The following ADAMTS2 variants were observed in gnomAD, a reference collection of about 807,000 sequenced individuals.
The protein encoded by ADAMTS2 is A disintegrin and metalloproteinase with thrombospondin motifs 2.
A neutral mutation model predicts 123.0 loss-of-function variants in ADAMTS2; 50 were observed. That is an observed-to-expected ratio of 0.41 (90% confidence interval 0.32 to 0.51). The LOEUF is 0.51. Among genes scored for constraint, ADAMTS2 ranks in the 20% least tolerant of loss-of-function variants. The pLI is 0.35. For missense variants in ADAMTS2, 1,494 were observed against 1,705.2 expected (o/e 0.88, Z 2.18); for synonymous variants, 678 against 695.4 (o/e 0.98, Z 0.39).
At chr5:179,122,868 A>C in intron 19 of ADAMTS2, 95 bp from the exon 20 acceptor site, 1 of 1,529,700 alleles carries the variant, frequency 6.5e-7, no homozygotes, top group Non-Finnish European at 8.8e-7. Context: ...CACATGACCC[A>C]TGCGCTCAGG....
chr5:179,328,677 G>C (rs956017617), intron 2 of ADAMTS2, among the ~76,000 whole-genome samples: 3 of 152,210 alleles, frequency 2.0e-5, no homozygotes, highest in African/African-American at 7.2e-5. Context: ...CAGGTATTCT[G>C]AGTAAATAAT....
chr5:179,221,350 A>C (rs1454762262), intron 3 of ADAMTS2, among the ~76,000 whole-genome samples: 2 of 152,032 alleles, frequency 1.3e-5, no homozygotes, highest in Admixed American at 6.5e-5. Context: ...TGGTGATTGC[A>C]CCTGGTCCAG....
chr5:179,264,520 G>A (rs192700405), intron 3 of ADAMTS2, among the ~76,000 whole-genome samples: 98 of 152,348 alleles, frequency 6.4e-4, no homozygotes, highest in Middle Eastern at 3.4e-3. Context: ...AGATGCCCCC[G>A]TGAGCAGATC....
At chr5:179,141,260 G>C (rs1425195564) in intron 10 of ADAMTS2, among the ~76,000 whole-genome samples, 2 of 152,224 alleles carry the variant, frequency 1.3e-5, no homozygotes, top group African/African-American at 4.8e-5. Flanking sequence ...AAAAGGGCCA[G>C]AGAGTAACTA....
chr5:179,199,164 C>T (rs1764501944), intron 4 of ADAMTS2, among the ~76,000 whole-genome samples: 2 of 152,236 alleles, frequency 1.3e-5, no homozygotes, highest in Admixed American at 1.3e-4. Flanking sequence ...AGGCCCCGAC[C>T]TTGGGGCTTG....
intron 3 of ADAMTS2, among the ~76,000 whole-genome samples, chr5:179,261,955 G>A (rs1766238810): frequency 6.6e-6 from 1 of 152,224 alleles, no homozygotes; most frequent in South Asian, 2.1e-4. Context: ...GGAGCAAGAG[G>A]AGGTGGCAGT....
rs140966917 is a variant in ADAMTS2, at chr5:179,320,018, G to A, written c.534+23749C>T. On this transcript the variant is annotated intron_variant, in intron 2 of 21. Coordinates refer to ENST00000251582, the MANE Select transcript of ADAMTS2 (RefSeq NM_014244.5). Reference sequence around the variant, plus strand: ...GCTGCCCAGCCTGACGGCTCCTGGAGCAGCCGGTGATCAGTCAACCTCCCC... The same window carrying A: ...GCTGCCCAGCCTGACGGCTCCTGGAACAGCCGGTGATCAGTCAACCTCCCC... Among the ~76,000 whole-genome samples, 1,174 of 152,332 alleles carry A rather than the reference G, an allele frequency of 7.7e-3. 17 individuals carry two copies. Among genetic ancestry groups the A allele is most frequent in the African/African-American group, 0.027 (1,105 of 41,576 alleles).
chr5:179,330,312 G>A (rs922235531), intron 2 of ADAMTS2, among the ~76,000 whole-genome samples: 1 of 152,038 alleles, frequency 6.6e-6, no homozygotes, highest in Admixed American at 6.5e-5. Context: ...AGTCTATCAG[G>A]ACAGGCTGAC....
In ADAMTS2 at chr5:179,129,821, C is replaced by A. The variant is rs547814726; in HGVS notation, c.2457+111G>T. On this transcript the variant is annotated intron_variant, in intron 16 of 21. Coordinates refer to ENST00000251582, the MANE Select transcript of ADAMTS2 (RefSeq NM_014244.5). The surrounding 1 kb of genome is among the most constrained non-coding windows in gnomAD (Gnocchi z 4.1). ...TGGTGCCAAAGGCAGGCCAAAGGGGCCACGCAGAGTGTCACCTGAAGGGTC... is the reference window on the plus strand; with the variant it reads ...TGGTGCCAAAGGCAGGCCAAAGGGGACACGCAGAGTGTCACCTGAAGGGTC... 362 of 1,435,714 alleles carry A rather than the reference C, an allele frequency of 2.5e-4. 1 individual carries two copies. In the African/African-American group the frequency reaches 4.4e-3, roughly 18 times the overall value. The allele number at this position is 1,435,714 out of a possible 1,614,324, so 88.9% of individuals were successfully genotyped here. A position where few individuals can be genotyped will look rare whatever the true frequency, so the allele number is the denominator to read the frequency against.
At position 179,302,360 on chromosome 5, in the gene ADAMTS2, C is replaced by A. The variant is rs191270837; in HGVS notation, c.535-29296G>T. Reference sequence around the variant, plus strand: ...CGCCTGTAGTCCCAGCTGCTCTGGGCGACAGAGCAAGACCGTCTCAAAAAA... The same window carrying A: ...CGCCTGTAGTCCCAGCTGCTCTGGGAGACAGAGCAAGACCGTCTCAAAAAA... On this transcript the variant is annotated intron_variant, in intron 2 of 21. Transcript: ENST00000251582. Among the ~76,000 whole-genome samples, 364 of 112,616 alleles carry A rather than the reference C, an allele frequency of 3.2e-3. 4 individuals are homozygous for A. The highest frequency in any genetic ancestry group is 0.012 in the African/African-American group (350 of 28,420). The allele number at this position is 112,616 out of a possible 152,430, so 73.9% of individuals were successfully genotyped here.
chr5:179,153,788 T>G (rs1264916750), intron 8 of ADAMTS2, among the ~76,000 whole-genome samples, 165 bp from the exon 9 acceptor site: 1 of 152,136 alleles, frequency 6.6e-6, no homozygotes, highest in Non-Finnish European at 1.5e-5. Flanking sequence ...TTGTCCTTGG[T>G]GTAAGACACC....
At chr5:179,135,792 G>A (rs1763055807) in intron 13 of ADAMTS2, 117 bp downstream of exon 13, 4 of 1,479,760 alleles carry the variant, frequency 2.7e-6, no homozygotes, top group African/African-American at 1.4e-5. Context: ...CATTGTTTCT[G>A]ACACTTCGTA....
In ADAMTS2 at chr5:179,113,966, T is replaced by A; in HGVS notation, c.3537A>T (p.Leu1179=). The change falls in exon 22 of 22, where the codon CTA becomes CTT. Residue 1179 remains leucine, a synonymous_variant. Coordinates refer to ENST00000251582, the MANE Select transcript of ADAMTS2 (RefSeq NM_014244.5). ...CATAGGGGCTCGGTCGTCGAGGGAT[T>A]AGGTTGGGTGGCTGGACTTCATCTT... ...GLEDEVQPPN[L]IPRRPSPYEK... 1 of 1,614,102 alleles carries A rather than the reference T, an allele frequency of 6.2e-7. No homozygotes were observed. Among genetic ancestry groups the A allele is most frequent in the African/African-American group, 1.3e-5 (1 of 75,028 alleles).
intron 8 of ADAMTS2, 39 bp from the exon 9 acceptor site, chr5:179,153,662 C>G: frequency 6.3e-7 from 1 of 1,580,454 alleles, no homozygotes; most frequent in Non-Finnish European, 8.5e-7. Context: ...GCCTTCAGCG[C>G]GGCTGACCAT....
intron 3 of ADAMTS2, among the ~76,000 whole-genome samples, chr5:179,208,398 G>A (rs1173029838): frequency 9.9e-5 from 15 of 152,222 alleles, no homozygotes; most frequent in Admixed American, 3.3e-4. Context: ...CCAGGTGAAC[G>A]GTACCGCCTC....
At chr5:179,247,553 CAA>C (rs552949966) in intron 3 of ADAMTS2, among the ~76,000 whole-genome samples, 87 of 152,188 alleles carry the variant, frequency 5.7e-4, no homozygotes, top group African/African-American at 1.9e-3. Flanking sequence ...TTTGAAAACT[CAA>C]AGAGTTACAT....
chr5:179,157,606 A>C (rs1763501396), intron 6 of ADAMTS2, among the ~76,000 whole-genome samples: 1 of 151,938 alleles, frequency 6.6e-6, no homozygotes, highest in Non-Finnish European at 1.5e-5. Flanking sequence ...CCTGGGCTCA[A>C]ACAATCCTCC....
chr5:179,207,025 CTACTT>C (rs1219888192), intron 4 of ADAMTS2, among the ~76,000 whole-genome samples: 2 of 152,294 alleles, frequency 1.3e-5, no homozygotes, highest in East Asian at 1.9e-4. Flanking sequence ...ACGTGAATCT[CTACTT>C]TAAACAGAAA....
At chr5:179,288,022 G>T (rs1344844867) in intron 2 of ADAMTS2, among the ~76,000 whole-genome samples, 1 of 152,210 alleles carries the variant, frequency 6.6e-6, no homozygotes, top group Admixed American at 6.5e-5. Context: ...AGACTCAGTG[G>T]GGCATGTCCT....
Sources: gnomAD v4.1 joint callset for allele counts (sites outside exome capture counted in the v4.1 genomes callset) on GRCh38, gnomAD v4.1.1 for gene constraint, Gnocchi (gnomAD v3.1) non-coding constraint, MANE v1.5 for transcripts, NCBI Gene and HGNC (gene_info 2026-07-23, HGNC 2026-07-21) for gene names.